Variants in KIF21A observed in about 807,000 individuals in gnomAD.
KIF21A encodes the protein kinesin-like protein KIF21A.
Under a neutral mutation model 202.9 loss-of-function variants are expected in KIF21A, and 114 were observed. The observed-to-expected ratio is 0.56, with a 90% CI of 0.48 to 0.66. KIF21A has a LOEUF of 0.66. KIF21A is among the 30% of genes least tolerant of loss of function. The pLI, the probability that KIF21A is intolerant of heterozygous loss-of-function variation, is 0.00. For missense variants in KIF21A, 1,677 were observed against 1,994.9 expected, an observed-to-expected ratio of 0.84 and a Z score of 3.04; for synonymous variants, 667 against 670.8, an observed-to-expected ratio of 0.99 and a Z score of 0.09.
At chr12:39,438,091 A>G (rs55825311) in intron 1 of KIF21A, among the ~76,000 whole-genome samples, 2,324 of 152,280 alleles carry the variant, frequency 0.015, 24 homozygotes, top group Middle Eastern at 0.037. Flanking sequence ...TTAGTGGTGA[A>G]TAAACCTTGA....
chr12:39,432,336 G>A (rs1938039393), intron 1 of KIF21A, among the ~76,000 whole-genome samples: 1 of 151,990 alleles, frequency 6.6e-6, no homozygotes, highest in East Asian at 1.9e-4. Context: ...ATATATTCTG[G>A]GTGAGCAGCA....
chr12:39,421,759 ATATT>A (rs894055557), intron 1 of KIF21A, among the ~76,000 whole-genome samples: 232 of 146,234 alleles, frequency 1.6e-3, no homozygotes, highest in Non-Finnish European at 2.0e-3. Context: ...ACACACATAT[ATATT>A]TATTTATATA....
intron 1 of KIF21A, among the ~76,000 whole-genome samples, chr12:39,416,709 A>ATG (rs201587259): frequency 8.3e-5 from 7 of 84,400 alleles, no homozygotes; most frequent in African/African-American, 5.0e-4. Flanking sequence ...GTACATATAT[A>ATG]TGTGTGTATA....
intron 33 of KIF21A, among the ~76,000 whole-genome samples, 157 bp from the exon 34 acceptor site, chr12:39,307,886 T>C (rs897565773): frequency 6.6e-6 from 1 of 151,936 alleles, no homozygotes; most frequent in Non-Finnish European, 1.5e-5. Context: ...TAACACAGAG[T>C]TGGTGCATAT....
intron 1 of KIF21A, among the ~76,000 whole-genome samples, chr12:39,420,741 TAA>T (rs1954186035): frequency 1.3e-5 from 2 of 151,392 alleles, no homozygotes. Context: ...TTCTTACAGC[TAA>T]AAGTAAGTTG....
chr12:39,340,322 C>A lies in KIF21A; in HGVS notation c.2153G>T (p.Arg718Met), dbSNP rs781602588. The A allele has an allele frequency of 1.2e-6, 2 of 1,611,506 alleles. No individual in the cohort carries two copies. Among genetic ancestry groups the A allele is most frequent in the Non-Finnish European group, 1.7e-6 (2 of 1,178,886 alleles). The part of the protein sequence containing the change: ...SYSEEKAKKV[R>M]SEYEKKLQAM... ...TTGGAGTTTCTTTTCATATTCAGAC[C>A]TAACTTTTTTTGCTTTTTCTTCTGA... Residue 718 changes from arginine (R) to methionine (M), a missense_variant, in exon 16 of 38, where the codon AGG (arginine) becomes ATG (methionine). Coordinates refer to ENST00000361418, the MANE Select transcript of KIF21A (RefSeq NM_001173464.2).
intron 28 of KIF21A, among the ~76,000 whole-genome samples, chr12:39,318,993 A>G (rs1334854593): frequency 6.6e-6 from 1 of 152,192 alleles, no homozygotes; most frequent in Non-Finnish European, 1.5e-5. Flanking sequence ...AAAAAAAAAA[A>G]AAGGATAATT....
At chr12:39,343,192 T>C (rs962333978) in intron 12 of KIF21A, among the ~76,000 whole-genome samples, 2 of 151,928 alleles carry the variant, frequency 1.3e-5, no homozygotes, top group Admixed American at 6.6e-5. Flanking sequence ...TGAAACCCCG[T>C]CTCTACTAAA....
intron 1 of KIF21A, among the ~76,000 whole-genome samples, chr12:39,380,415 C>T (rs1273516513): frequency 1.3e-5 from 2 of 152,162 alleles, no homozygotes; most frequent in African/African-American, 4.8e-5. Flanking sequence ...CTGGATACAG[C>T]GGGAGTTTTC....
chr12:39,411,943 T>C (rs765991641), intron 1 of KIF21A, among the ~76,000 whole-genome samples: 11 of 152,104 alleles, frequency 7.2e-5, no homozygotes, highest in Non-Finnish European at 1.3e-4. Context: ...CAAGAGATTC[T>C]CCTGCCTCAG....
intron 17 of KIF21A, among the ~76,000 whole-genome samples, chr12:39,334,200 C>CAAAAAAAAAAAAAAAAA (rs576176350): frequency 2.2e-4 from 14 of 63,568 alleles, no homozygotes; most frequent in East Asian, 3.6e-4. Context: ...GACTCCATCT[C>CAAAAAAAAAAAAAAAAA]AAAAAAAAAA....
chr12:39,359,703 A>G (rs1949059145), intron 7 of KIF21A, among the ~76,000 whole-genome samples: 1 of 152,200 alleles, frequency 6.6e-6, no homozygotes, highest in Admixed American at 6.5e-5. Context: ...CAGTCTGCAG[A>G]TTATTTTTAC....
chr12:39,331,401 G>A (rs1366418418), intron 22 of KIF21A, among the ~76,000 whole-genome samples: 1 of 152,128 alleles, frequency 6.6e-6, no homozygotes, highest in Non-Finnish European at 1.5e-5. Context: ...TTGTTTGCAT[G>A]CTGAGAAATT....
chr12:39,346,556 C>G, intron 11 of KIF21A, 52 bp from the exon 12 acceptor site: 2 of 1,296,690 alleles, frequency 1.5e-6, no homozygotes, highest in Non-Finnish European at 2.0e-6. Flanking sequence ...GAAGGACAAA[C>G]CAGACAGTAA....
At chr12:39,365,435 A>T (rs1227928777) in intron 6 of KIF21A, among the ~76,000 whole-genome samples, 1 of 152,250 alleles carries the variant, frequency 6.6e-6, no homozygotes, top group African/African-American at 2.4e-5. Context: ...CCAGTTTTGT[A>T]ATGAAGATAA....
At chr12:39,328,900 C>T (rs1292477731) in intron 24 of KIF21A, among the ~76,000 whole-genome samples, 1 of 152,176 alleles carries the variant, frequency 6.6e-6, no homozygotes, top group African/African-American at 2.4e-5. Context: ...GTTAGGTAGT[C>T]CCACTCTGTG....
Position 39,340,426 on chromosome 12 carries a change from AT to A in KIF21A, c.2111-63del, listed in dbSNP as rs942211678. On this transcript the variant is annotated intron_variant, in intron 15 of 37. Transcript: ENST00000361418. ...TGAGACACAGATTTTTATTTCACAG[AT>A]TTACAGTCCATATCCTAAGAGAAGA... is the stretch of plus-strand genomic sequence containing the variant. 4.3e-5 allele frequency: 54 copies of A among 1,267,414 alleles called. No individual in the cohort carries two copies. The African/African-American group carries it at 7.6e-4, about 18-fold the overall frequency. The allele number at this position is 1,267,414 out of a possible 1,614,324, so 78.5% of individuals were successfully genotyped here. A position where few individuals can be genotyped will look rare whatever the true frequency, so the allele number is the denominator to read the frequency against.
In KIF21A at chr12:39,302,945, A is replaced by C. The variant is rs1411972485; in HGVS notation, c.4731+20T>G. The C allele has an allele frequency of 1.2e-6, 2 of 1,609,188 alleles. No individual in the cohort carries two copies. Among genetic ancestry groups the C allele is most frequent in the Non-Finnish European group, 1.7e-6 (2 of 1,176,140 alleles). On this transcript the variant is annotated intron_variant, in intron 36 of 37. Coordinates refer to ENST00000361418, the MANE Select transcript of KIF21A (RefSeq NM_001173464.2). Reference sequence around the variant, plus strand: ...TGTGTTGAAATGCCCACTCTATACCATGAAAAGGTTCTGCATTACCTGAAG... The same window carrying C: ...TGTGTTGAAATGCCCACTCTATACCCTGAAAAGGTTCTGCATTACCTGAAG...
intron 12 of KIF21A, among the ~76,000 whole-genome samples, chr12:39,345,117 C>T (rs761432439): frequency 6.6e-6 from 1 of 152,182 alleles, no homozygotes; most frequent in Non-Finnish European, 1.5e-5. Flanking sequence ...GATCTGTACA[C>T]ACGACTATGT....
Sources: gnomAD v4.1 joint callset for allele counts (sites outside exome capture counted in the v4.1 genomes callset) on GRCh38, gnomAD v4.1.1 for gene constraint, MANE v1.5 for transcripts, NCBI Gene and HGNC (gene_info 2026-07-23, HGNC 2026-07-21) for gene names.